TSEN54: variants seen among roughly 807,000 people sequenced by gnomAD.
TSEN54 encodes the protein tRNA splicing endonuclease subunit 54, also known as tRNA-splicing endonuclease subunit Sen54.
TSEN54 carries 55 observed loss-of-function variants against 61.9 expected under a neutral mutation model. The ratio of observed to expected loss-of-function variants is 0.89; its 90% CI spans 0.72 to 1.11. The LOEUF is 1.11. Among genes scored for constraint, TSEN54 ranks in the 50% most tolerant of loss-of-function variants. The pLI is 0.00. For missense variants in TSEN54, 760 were observed against 687.7 expected (o/e 1.11, Z -1.18); for synonymous variants, 304 against 288.7 (o/e 1.05, Z -0.54).
chr17:75,522,243 C>A lies in TSEN54; in HGVS notation c.1162C>A (p.Arg388=), dbSNP rs575503646. The change falls in exon 8 of 11, where the codon CGG becomes AGG. Residue 388 remains arginine, a synonymous_variant. Coordinates refer to ENST00000333213, the MANE Select transcript of TSEN54 (RefSeq NM_207346.3). ...WREYKELLQR[R]QVQRSQRRAP... is the part of the protein sequence containing the mutation. ...GGAGTACAAGGAGCTGCTGCAGCGG[C>A]GGCAGGTGCAGAGGAGCCAGCGCCG... 4.5e-5 allele frequency: 69 copies of A among 1,547,570 alleles called. No individual in the cohort carries two copies. In the East Asian group the frequency reaches 1.7e-3, roughly 37 times the overall value.
At position 75,516,876 on chromosome 17, in the gene TSEN54, T is replaced by C. The variant is rs542010233; in HGVS notation, c.187T>C (p.Trp63Arg). 6.4e-7 allele frequency: 1 copy of C among 1,556,062 alleles called. No homozygotes were observed. Among genetic ancestry groups the C allele is most frequent in the East Asian group, 2.4e-5 (1 of 42,362 alleles). ...ERLRRCREEL[W>R]QLLAEQRVER... ...GCTGCGCCGGTGCCGGGAAGAGCTC[T>C]GGCAGCTGCTGGCAGAGCAGCGCGT... Residue 63 changes from tryptophan (W) to arginine (R), a missense_variant, in exon 2 of 11, where the codon TGG becomes CGG. Transcript: ENST00000333213.
In TSEN54 at chr17:75,522,103, T is replaced by C. The variant is rs1380032533; in HGVS notation, c.1022T>C (p.Leu341Pro). ...GACGCTGAGTCCTGGTGCCAGAAGC[T>C]GAACCAGCGCAAGGAGAAGCTCTCC... ...ETDAESWCQK[L>P]NQRKEKLSRR... Residue 341 changes from leucine (L) to proline (P), a missense_variant, in exon 8 of 11, where the codon CTG becomes CCG. Coordinates refer to ENST00000333213, the MANE Select transcript of TSEN54 (RefSeq NM_207346.3). The C allele has an allele frequency of 1.3e-6, 2 of 1,582,210 alleles. No individual in the cohort carries two copies. Among genetic ancestry groups the C allele is most frequent in the Non-Finnish European group, 1.7e-6 (2 of 1,164,232 alleles).
Position 75,517,242 on chromosome 17 carries a change from T to A in TSEN54, c.367T>A (p.Cys123Ser), listed in dbSNP as rs1484028244. ...HPEEALYLLE[C>S]GSIHLFHQDL... ...GGAAGAGGCCTTGTATCTTCTGGAG[T>A]GTGTAAGTGGGGCCCGGGAGGTGGG... is the stretch of plus-strand genomic sequence containing the variant. Residue 123 changes from cysteine to serine, a missense_variant and splice_region_variant, in exon 4 of 11, where the codon TGT becomes AGT. Physicochemically the swap from Cys to Ser is moderately radical, Grantham distance 112. This residue lies in a region of TSEN54 where 667 missense variants were observed against 577.8 expected (regional missense o/e 1.15). Coordinates refer to ENST00000333213, the MANE Select transcript of TSEN54 (RefSeq NM_207346.3). The A allele has an allele frequency of 2.5e-6, 4 of 1,594,858 alleles. No individual in the cohort carries two copies. Among genetic ancestry groups the A allele is most frequent in the African/African-American group, 1.3e-5 (1 of 74,290 alleles).
In TSEN54 at chr17:75,521,900, G is replaced by T. The variant is rs748035605; in HGVS notation, c.819G>T (p.Glu273Asp). 24 of 1,609,800 alleles carry T rather than the reference G, an allele frequency of 1.5e-5. No homozygotes were observed. The highest frequency in any genetic ancestry group is 8.8e-5 in the South Asian group (8 of 90,808). The change falls in exon 8 of 11, where the codon GAG becomes GAT. Residue 273 changes from glutamate to aspartate, a missense_variant. Around this residue, in one of 3 missense-constraint regions of TSEN54, gnomAD observed 667 missense variants for 577.8 expected, o/e 1.15. Coordinates refer to ENST00000333213, the MANE Select transcript of TSEN54 (RefSeq NM_207346.3). ...SLGPSPGPAREGVGCSWESGR... is the reference protein window; with the variant it reads ...SLGPSPGPARDGVGCSWESGR... ...GCCCCAGCCCTGGCCCGGCCAGGGA[G>T]GGGGTGGGGTGCAGCTGGGAGAGTG...
intron 9 of TSEN54, 41 bp downstream of exon 9, chr17:75,523,376 G>T (rs750592759): frequency 1.9e-6 from 3 of 1,613,472 alleles, no homozygotes; most frequent in Non-Finnish European, 2.5e-6. Flanking sequence ...TACCTTGACC[G>T]CCAGGAGTTG....
Position 75,521,879 on chromosome 17 carries a change from CA to C in TSEN54, c.799del (p.Ser267AlafsTer75). The C allele has an allele frequency of 6.2e-7, 1 of 1,610,538 alleles. No individual in the cohort carries two copies. The highest frequency in any genetic ancestry group is 8.5e-7 in the Non-Finnish European group (1 of 1,178,800). ...PFQLLGSLGP[S>X]PGPAREGVGC... ...TTCAGCTTCTGGGGTCCCTGGGCCCCAGCCCTGGCCCGGCCAGGGAGGGGGT... is the reference window on the plus strand; with the variant it reads ...TTCAGCTTCTGGGGTCCCTGGGCCCCGCCCTGGCCCGGCCAGGGAGGGGGT... On this transcript the variant is annotated frameshift_variant, in exon 8 of 11. Coordinates refer to ENST00000333213, the MANE Select transcript of TSEN54 (RefSeq NM_207346.3). LOFTEE classifies it high-confidence loss of function.
At position 75,521,925 on chromosome 17, in the gene TSEN54, G is replaced by A; in HGVS notation, c.844G>A (p.Gly282Ser). 6.2e-7 allele frequency: 1 copy of A among 1,610,458 alleles called. No individual in the cohort carries two copies. Among genetic ancestry groups the A allele is most frequent in the African/African-American group, 1.3e-5 (1 of 74,992 alleles). Residue 282 changes from glycine to serine, a missense_variant, in exon 8 of 11, where the codon GGC (glycine) becomes AGC (serine). Transcript: ENST00000333213. ...REGVGCSWES[G>S]RAENGVTGAG... ...GGGGGTGGGGTGCAGCTGGGAGAGT[G>A]GCAGAGCCGAGAACGGAGTCACGGG...
intron 8 of TSEN54, 89 bp downstream of exon 8, chr17:75,522,422 A>G (rs1343972490): frequency 6.5e-7 from 1 of 1,531,778 alleles, no homozygotes; most frequent in Non-Finnish European, 8.7e-7. Flanking sequence ...ACTGGGATGG[A>G]TTGAGGCTTA....
At chr17:75,522,367 A>T in intron 8 of TSEN54, 34 bp downstream of exon 8, 1 of 1,541,430 alleles carries the variant, frequency 6.5e-7, no homozygotes, top group East Asian at 2.4e-5. Context: ...TTCGAGGGCC[A>T]CTGGCAGCTG....
At chr17:75,517,998 C>T (rs1252456908) in intron 5 of TSEN54, among the ~76,000 whole-genome samples, 4 of 152,076 alleles carry the variant, frequency 2.6e-5, no homozygotes, top group African/African-American at 9.7e-5. Flanking sequence ...ATAGGACTGC[C>T]AATGGATTGG....
rs1350195436 is a variant in TSEN54 at position 75,522,001 on chromosome 17, C to T, written c.920C>T (p.Ala307Val). ...GAGCAGATCTCCTTCCCCAACATGG[C>T]TTCAGACAGCCGCCACACCCTTCTG... ...NFEQISFPNM[A>V]SDSRHTLLRA... The change falls in exon 8 of 11, where the codon GCT (alanine) becomes GTT (valine). Residue 307 changes from alanine (A) to valine (V), a missense_variant. Physicochemically the swap from Ala to Val is moderately conservative, Grantham distance 64. Around this residue, in one of 3 missense-constraint regions of TSEN54, gnomAD observed 667 missense variants for 577.8 expected, o/e 1.15. Coordinates refer to ENST00000333213, the MANE Select transcript of TSEN54 (RefSeq NM_207346.3). 1.3e-6 allele frequency: 2 copies of T among 1,595,450 alleles called. No individual in the cohort carries two copies. Among genetic ancestry groups the T allele is most frequent in the African/African-American group, 1.3e-5 (1 of 74,362 alleles).
At chr17:75,522,552 A>G (rs1321177478) in intron 8 of TSEN54, 4 of 1,431,696 alleles carry the variant, frequency 2.8e-6, no homozygotes, top group African/African-American at 2.9e-5. Context: ...AGGGGTGGAA[A>G]CTATGACCAT....
In TSEN54 at chr17:75,524,614, G is replaced by A. The variant is rs1460455958; in HGVS notation, c.*202G>A. On this transcript the variant is annotated 3_prime_UTR_variant, in exon 11 of 11. Transcript: ENST00000333213. ...CTGCTGCCTTGCAGTGACCCCTCTG[G>A]AACTCAGGACTCGATTTTAAGGACC... The A allele has an allele frequency of 1.4e-6, 1 of 716,908 alleles. No individual in the cohort carries two copies. Among genetic ancestry groups the A allele is most frequent in the Non-Finnish European group, 2.5e-6 (1 of 405,616 alleles). 44.4% of individuals were successfully genotyped at this position (716,908 alleles called of 1,614,324 possible). A position where few individuals can be genotyped will look rare whatever the true frequency, so the allele number is the denominator to read the frequency against.
chr17:75,524,692 C>T lies in TSEN54; in HGVS notation c.*280C>T. Reference sequence around the variant, plus strand: ...TGTGCCTTTAACGAGAGGGTGCCTGCTTCGTGCTATAAAGCCAAAGCCATT... The same window carrying T: ...TGTGCCTTTAACGAGAGGGTGCCTGTTTCGTGCTATAAAGCCAAAGCCATT... On this transcript the variant is annotated 3_prime_UTR_variant, in exon 11 of 11. Coordinates refer to ENST00000333213, the MANE Select transcript of TSEN54 (RefSeq NM_207346.3). 6 of 541,242 alleles carry T rather than the reference C, an allele frequency of 1.1e-5. No homozygotes were observed. Among genetic ancestry groups the T allele is most frequent in the Non-Finnish European group, 2.0e-5 (6 of 298,740 alleles). The allele number at this position is 541,242 out of a possible 1,614,324, so 33.5% of individuals were successfully genotyped here.
chr17:75,522,078 G>A lies in TSEN54; in HGVS notation c.997G>A (p.Asp333Asn), dbSNP rs1431417055. The A allele has an allele frequency of 1.9e-6, 3 of 1,586,630 alleles. No individual in the cohort carries two copies. Among genetic ancestry groups the A allele is most frequent in the Non-Finnish European group, 2.6e-6 (3 of 1,167,008 alleles). The change falls in exon 8 of 11, where the codon GAC (aspartate) becomes AAC (asparagine). Residue 333 changes from aspartate to asparagine, a missense_variant. Physicochemically the swap from Asp to Asn is conservative, Grantham distance 23 (BLOSUM62 1). Around this residue, in one of 3 missense-constraint regions of TSEN54, gnomAD observed 667 missense variants for 577.8 expected, o/e 1.15. Transcript: ENST00000333213. ...GGCCAACGTGGCTGGGCGGGAGACA[G>A]ACGCTGAGTCCTGGTGCCAGAAGCT... ...LPANVAGRET[D>N]AESWCQKLNQ...
rs1352199952 is a variant in TSEN54 at position 75,517,178 on chromosome 17, C to T, written c.303C>T (p.Thr101=). ...CCACACAGGGCAAATTCTGGCAGACCATGGGCTTCTCAGAGCAGGGCCGGC... is the reference window on the plus strand; with the variant it reads ...CCACACAGGGCAAATTCTGGCAGACTATGGGCTTCTCAGAGCAGGGCCGGC... The part of the protein sequence containing the change: ...LKSPAGKFWQ[T]MGFSEQGRQR... The change falls in exon 4 of 11, where the codon ACC becomes ACT. Residue 101 remains threonine, a synonymous_variant. Coordinates refer to ENST00000333213, the MANE Select transcript of TSEN54 (RefSeq NM_207346.3). 5 of 1,607,308 alleles carry T rather than the reference C, an allele frequency of 3.1e-6. No homozygotes were observed. The African/African-American group carries it at 4.0e-5, about 13-fold the overall frequency.
At chr17:75,517,914 G>A (rs189145212) in intron 5 of TSEN54, among the ~76,000 whole-genome samples, 1 of 152,186 alleles carries the variant, frequency 6.6e-6, no homozygotes, top group African/African-American at 2.4e-5. Context: ...GGGGCTTGTC[G>A]CAGGTTGGGG....
rs143578949 is a variant in TSEN54 at position 75,520,242 on chromosome 17, A to G, written c.522-1167A>G. On this transcript the variant is annotated intron_variant, in intron 6 of 10. Transcript: ENST00000333213. ...GGGGCTAGAGCAACTGTGGGACTGA[A>G]TGTTTAATTTCATTTAATTTAAATG... Among the ~76,000 whole-genome samples the G allele has an allele frequency of 3.4e-4, 52 of 152,270 alleles. 1 individual carries two copies. In the East Asian group the frequency reaches 9.1e-3, roughly 27 times the overall value.
chr17:75,522,467 C>T (rs1327202102), intron 8 of TSEN54, 134 bp downstream of exon 8: 8 of 1,512,408 alleles, frequency 5.3e-6, no homozygotes, highest in Non-Finnish European at 7.1e-6. Flanking sequence ...GACCCACAAG[C>T]ACGGTCAGTT....
Sources: gnomAD v4.1 joint callset for allele counts (sites outside exome capture counted in the v4.1 genomes callset) on GRCh38, gnomAD v4.1.1 for gene constraint, gnomAD v4.1.1 regional missense constraint, MANE v1.5 for transcripts, NCBI Gene and HGNC (gene_info 2026-07-23, HGNC 2026-07-21) for gene names.